Variants in ADAMTS20 observed in about 807,000 individuals in gnomAD.
The protein encoded by ADAMTS20 is ADAM metallopeptidase with thrombospondin type 1 motif 20, also known as A disintegrin and metalloproteinase with thrombospondin motifs 20.
In ADAMTS20, 225 loss-of-function variants were observed where a neutral mutation model predicts 260.1. The observed-to-expected ratio is 0.87, with a 90% confidence interval of 0.78 to 0.97. ADAMTS20 has a LOEUF of 0.97. Among genes scored for constraint, ADAMTS20 ranks in the 50% least tolerant of loss-of-function variants. The probability of loss-of-function intolerance (pLI) is 0.00; values close to 1 mark genes in which losing one functional copy is unlikely to be tolerated. For synonymous variants in ADAMTS20, 802 were observed against 769.5 expected, an observed-to-expected ratio of 1.04 and a Z score of -0.70; for missense variants, 2,400 against 2,337.7, an observed-to-expected ratio of 1.03 and a Z score of -0.55.
intron 3 of ADAMTS20, among the ~76,000 whole-genome samples, chr12:43,517,740 G>A (rs1163188992): frequency 6.6e-6 from 1 of 151,966 alleles, no homozygotes; most frequent in African/African-American, 2.4e-5. Context: ...TCTTGAAGAA[G>A]AATGAAGTCA....
intron 18 of ADAMTS20, among the ~76,000 whole-genome samples, chr12:43,435,997 A>AT (rs1941547774): frequency 6.6e-6 from 1 of 152,200 alleles, no homozygotes; most frequent in Non-Finnish European, 1.5e-5. Flanking sequence ...ACTAAACATG[A>AT]TTATATACGT....
chr12:43,431,111 A>C (rs1332959756), intron 22 of ADAMTS20, among the ~76,000 whole-genome samples: 2 of 152,370 alleles, frequency 1.3e-5, no homozygotes, highest in Middle Eastern at 3.4e-3. Context: ...TTTGGTTAAC[A>C]AAAGGGAATT....
At chr12:43,478,186 A>G (rs1377681125) in intron 7 of ADAMTS20, among the ~76,000 whole-genome samples, 1 of 152,148 alleles carries the variant, frequency 6.6e-6, no homozygotes, top group Non-Finnish European at 1.5e-5. Flanking sequence ...ATGTAAACAA[A>G]ACGAACAGGT....
chr12:43,428,275 C>CT lies in ADAMTS20; in HGVS notation c.3910dup (p.Arg1304LysfsTer24). 6.2e-7 allele frequency: 1 copy of CT among 1,613,962 alleles called. No individual in the cohort carries two copies. The highest frequency in any genetic ancestry group is 8.5e-7 in the Non-Finnish European group (1 of 1,179,860). On this transcript the variant is annotated frameshift_variant, in exon 26 of 39. Coordinates refer to ENST00000389420, the MANE Select transcript of ADAMTS20 (RefSeq NM_025003.5). LOFTEE classifies it high-confidence loss of function. ...TGGTCCGGTTCTCCACTGGTTTCCT[C>CT]TGACTGATGGATGGACCACCTGATT...
At chr12:43,379,217 C>T (rs947450099) in intron 31 of ADAMTS20, among the ~76,000 whole-genome samples, 1 of 152,142 alleles carries the variant, frequency 6.6e-6, no homozygotes, top group Non-Finnish European at 1.5e-5. Context: ...AATCTAGGGA[C>T]ATTTGTTGCG....
intron 18 of ADAMTS20, among the ~76,000 whole-genome samples, chr12:43,436,322 A>G (rs930996529): frequency 2.6e-5 from 4 of 152,170 alleles, no homozygotes; most frequent in Admixed American, 2.0e-4. Context: ...ATTAATTGAA[A>G]AGTATTTTAA....
intron 15 of ADAMTS20, 132 bp downstream of exon 15, chr12:43,446,463 C>T: frequency 1.6e-6 from 1 of 607,848 alleles, no homozygotes; most frequent in Non-Finnish European, 2.7e-6. Context: ...GGAAATTTTT[C>T]CTTAACAATC....
intron 28 of ADAMTS20, among the ~76,000 whole-genome samples, chr12:43,405,227 TACAAAAAAAAAAAAAAAAAA>T (rs1302199630): frequency 3.5e-4 from 4 of 11,542 alleles, no homozygotes; most frequent in African/African-American, 9.4e-4. Context: ...ACCTCATCTC[TACAAAAAAAAAAAAAAAAAA>T]AAAAAAAAAA....
chr12:43,489,488 T>C (rs903250451), intron 7 of ADAMTS20, among the ~76,000 whole-genome samples: 1 of 151,882 alleles, frequency 6.6e-6, no homozygotes, highest in Non-Finnish European at 1.5e-5. Context: ...AATACAAATA[T>C]ATGAAAAGAT....
chr12:43,549,190 G>A (rs1238618953), intron 2 of ADAMTS20, among the ~76,000 whole-genome samples: 1 of 18,202 alleles, frequency 5.5e-5, no homozygotes, highest in Non-Finnish European at 3.8e-4. Flanking sequence ...ATAATATATT[G>A]TATAATACAT....
At position 43,452,604 on chromosome 12, in the gene ADAMTS20, G is replaced by A. The variant is rs142132003; in HGVS notation, c.1852C>T (p.Arg618Ter). 3 of 1,613,392 alleles carry A rather than the reference G, an allele frequency of 1.9e-6. No homozygotes were observed. The highest frequency in any genetic ancestry group is 2.2e-5 in the East Asian group (1 of 44,864). Residue 618 changes from arginine (R) to a stop codon, truncating the protein, a stop_gained, in exon 13 of 39, where the codon CGA becomes TGA. Transcript: ENST00000389420. LOFTEE classifies it high-confidence loss of function. ...DSCPKGTQDFREKQCSDFNGK... is the reference protein window; with the variant it reads ...DSCPKGTQDF Reference sequence around the variant, plus strand: ...TTAAAATCAGAGCACTGCTTCTCTCGAAAGTCTTGTGTGCCTTTTGGACAT... The same window carrying A: ...TTAAAATCAGAGCACTGCTTCTCTCAAAAGTCTTGTGTGCCTTTTGGACAT...
chr12:43,421,693 T>A, intron 28 of ADAMTS20, among the ~76,000 whole-genome samples: 1 of 152,132 alleles, frequency 6.6e-6, no homozygotes, highest in East Asian at 1.9e-4. Flanking sequence ...TATTCATTGT[T>A]TATAATATAT....
chr12:43,514,536 C>T lies in ADAMTS20; in HGVS notation c.614-12131G>A, dbSNP rs116469994. On this transcript the variant is annotated intron_variant, in intron 3 of 38. Transcript: ENST00000389420. ...AAGATCTCGCTACTGCACTCTAGGC[C>T]GGTGACAGAGTGAGACTCTATCTCA... Among the ~76,000 whole-genome samples the T allele has an allele frequency of 1.6e-3, 193 of 122,964 alleles. 1 individual carries two copies. Among genetic ancestry groups the T allele is most frequent in the African/African-American group, 4.0e-3 (127 of 31,720 alleles). 80.7% of individuals were successfully genotyped at this position (122,964 alleles called of 152,430 possible). A position where few individuals can be genotyped will look rare whatever the true frequency, so the allele number is the denominator to read the frequency against.
chr12:43,442,074 T>C (rs565362705), intron 16 of ADAMTS20, among the ~76,000 whole-genome samples: 22 of 152,284 alleles, frequency 1.4e-4, no homozygotes, highest in Non-Finnish European at 2.6e-4. Context: ...AACAAAACTT[T>C]ACTGGCTTAG....
intron 3 of ADAMTS20, among the ~76,000 whole-genome samples, chr12:43,517,422 T>G (rs1438964487): frequency 6.6e-6 from 1 of 151,928 alleles, no homozygotes; most frequent in Non-Finnish European, 1.5e-5. Context: ...AAAATAAAAT[T>G]TTTAAATGAT....
intron 18 of ADAMTS20, among the ~76,000 whole-genome samples, chr12:43,436,821 C>G (rs560481004): frequency 6.6e-6 from 1 of 152,170 alleles, no homozygotes; most frequent in African/African-American, 2.4e-5. Context: ...CCGCAGCACC[C>G]TCATGACAAT....
At chr12:43,534,216 G>A (rs546858745) in intron 2 of ADAMTS20, among the ~76,000 whole-genome samples, 62 of 141,296 alleles carry the variant, frequency 4.4e-4, no homozygotes, top group South Asian at 2.7e-3. Context: ...GAAAATTTTC[G>A]CAACCTACTC....
At chr12:43,502,069 G>A in intron 4 of ADAMTS20, 83 bp downstream of exon 4, 2 of 1,334,424 alleles carry the variant, frequency 1.5e-6, no homozygotes. Flanking sequence ...AAAGAGTTTG[G>A]AAAAAAAATT....
intron 3 of ADAMTS20, among the ~76,000 whole-genome samples, chr12:43,523,629 A>G (rs980804224): frequency 2.6e-5 from 4 of 152,124 alleles, no homozygotes; most frequent in Non-Finnish European, 5.9e-5. Context: ...TACCTTGCCA[A>G]GTGCACAGGA....
Sources: gnomAD v4.1 joint callset for allele counts (sites outside exome capture counted in the v4.1 genomes callset) on GRCh38, gnomAD v4.1.1 for gene constraint, MANE v1.5 for transcripts, NCBI Gene and HGNC (gene_info 2026-07-23, HGNC 2026-07-21) for gene names.